Variants in MYO1D observed in about 807,000 individuals in gnomAD.
The protein encoded by MYO1D is unconventional myosin-Id.
Under a neutral mutation model 122.0 loss-of-function variants are expected in MYO1D, and 83 were observed. That is an observed-to-expected ratio of 0.68 (90% CI 0.57 to 0.82). The LOEUF (loss-of-function observed/expected upper bound fraction) is 0.82. MYO1D is among the 40% of genes least tolerant of loss of function. The pLI is 0.00. For missense variants in MYO1D, 1,157 were observed against 1,269.5 expected, an observed-to-expected ratio of 0.91 and a Z score of 1.35; for synonymous variants, 464 against 446.9, an observed-to-expected ratio of 1.04 and a Z score of -0.48.
At chr17:32,544,056 G>T (rs931491161) in intron 21 of MYO1D, among the ~76,000 whole-genome samples, 1 of 151,442 alleles carries the variant, frequency 6.6e-6, no homozygotes, top group Non-Finnish European at 1.5e-5. Flanking sequence ...GCCTCCCAAA[G>T]TGCTGGGACT....
rs2089625148 is a variant in MYO1D at position 32,730,481 on chromosome 17, G to A, written c.1746+7772C>T. On this transcript the variant is annotated intron_variant, in intron 14 of 21. Coordinates refer to ENST00000318217, the MANE Select transcript of MYO1D (RefSeq NM_015194.3). ...TAGTATACTCTTCCTATTGTCTGAT[G>A]AATATCTTTTAGAATCTCCTTAAGT... Among the ~76,000 whole-genome samples, 6 of 152,184 alleles carry A rather than the reference G, an allele frequency of 3.9e-5. No homozygotes were observed. The South Asian group carries it at 1.2e-3, about 32-fold the overall frequency.
chr17:32,831,078 G>A (rs1312714319), intron 1 of MYO1D, among the ~76,000 whole-genome samples: 3 of 151,972 alleles, frequency 2.0e-5, no homozygotes, highest in Non-Finnish European at 4.4e-5. Context: ...ATACTGACAT[G>A]AGTGCAAAAA....
At chr17:32,804,354 T>C (rs2090489839) in intron 1 of MYO1D, among the ~76,000 whole-genome samples, 1 of 152,212 alleles carries the variant, frequency 6.6e-6, no homozygotes, top group Admixed American at 6.5e-5. Context: ...AGGGCTCTAA[T>C]AGTATGACTA....
chr17:32,655,015 G>A (rs2088455715), intron 17 of MYO1D, among the ~76,000 whole-genome samples: 1 of 152,170 alleles, frequency 6.6e-6, no homozygotes, highest in African/African-American at 2.4e-5. Flanking sequence ...CTGTCATTAA[G>A]TAGAATGAAA....
intron 1 of MYO1D, among the ~76,000 whole-genome samples, chr17:32,808,386 G>T (rs950489818): frequency 1.3e-5 from 2 of 148,470 alleles, no homozygotes; most frequent in Admixed American, 1.3e-4. Context: ...AAAAAAAAAA[G>T]TAAATTTGAA....
chr17:32,742,648 T>C (rs375535375), intron 13 of MYO1D, among the ~76,000 whole-genome samples: 179 of 152,344 alleles, frequency 1.2e-3, no homozygotes, highest in Non-Finnish European at 1.8e-3. Context: ...AAAATGAATG[T>C]ACCTTACCTG....
intron 20 of MYO1D, among the ~76,000 whole-genome samples, chr17:32,607,994 A>G (rs1242280146): frequency 1.3e-5 from 2 of 152,238 alleles, no homozygotes; most frequent in African/African-American, 4.8e-5. Flanking sequence ...TTCAGAGTGC[A>G]CTATAAGATC....
At chr17:32,832,489 G>A (rs897943234) in intron 1 of MYO1D, among the ~76,000 whole-genome samples, 3 of 151,886 alleles carry the variant, frequency 2.0e-5, no homozygotes, top group African/African-American at 4.8e-5. Context: ...TAGTAGACAC[G>A]GAGTTTCACC....
intron 21 of MYO1D, among the ~76,000 whole-genome samples, chr17:32,524,175 G>T (rs530664513): frequency 1.3e-5 from 2 of 152,082 alleles, no homozygotes; most frequent in Non-Finnish European, 2.9e-5. Flanking sequence ...GTTTTCTCTG[G>T]GGCTGAATGA....
At chr17:32,516,985 G>A (rs753150169) in intron 21 of MYO1D, among the ~76,000 whole-genome samples, 2 of 152,180 alleles carry the variant, frequency 1.3e-5, no homozygotes, top group South Asian at 2.1e-4. Context: ...ACAAATTAGC[G>A]TGGGTGCATA....
At chr17:32,868,492 CCAAA>C (rs1012819658) in intron 1 of MYO1D, among the ~76,000 whole-genome samples, 50 of 152,006 alleles carry the variant, frequency 3.3e-4, no homozygotes, top group Middle Eastern at 3.4e-3. Flanking sequence ...TCCTTGCCCC[CCAAA>C]CAAAATCAAA....
At chr17:32,771,518 G>A (rs960282994) in intron 5 of MYO1D, among the ~76,000 whole-genome samples, 4 of 152,140 alleles carry the variant, frequency 2.6e-5, no homozygotes, top group African/African-American at 9.7e-5. Context: ...TTGTAAAACA[G>A]GATCCTATGC....
intron 10 of MYO1D, among the ~76,000 whole-genome samples, chr17:32,759,077 G>A (rs57012090): frequency 0.049 from 7,435 of 152,134 alleles, 585 homozygotes; most frequent in African/African-American, 0.17. Flanking sequence ...GTTATACCGT[G>A]TATTATATTA....
chr17:32,669,719 A>C (rs2088683879), intron 16 of MYO1D, among the ~76,000 whole-genome samples: 1 of 152,196 alleles, frequency 6.6e-6, no homozygotes, highest in African/African-American at 2.4e-5. Context: ...AAATAAAAGA[A>C]TTATTCAAAT....
intron 14 of MYO1D, among the ~76,000 whole-genome samples, chr17:32,725,476 G>A (rs778758497): frequency 3.3e-5 from 5 of 151,574 alleles, no homozygotes; most frequent in African/African-American, 9.7e-5. Flanking sequence ...AGCTGAGATC[G>A]CGCCACTGCA....
chr17:32,516,591 C>T (rs563967658), intron 21 of MYO1D, among the ~76,000 whole-genome samples: 2 of 152,320 alleles, frequency 1.3e-5, no homozygotes, highest in East Asian at 1.9e-4. Context: ...CCCCCAGTCT[C>T]GTAGAAGATT....
At chr17:32,729,983 T>A (rs2089618168) in intron 14 of MYO1D, among the ~76,000 whole-genome samples, 1 of 152,204 alleles carries the variant, frequency 6.6e-6, no homozygotes, top group African/African-American at 2.4e-5. Context: ...TCTGAATTGG[T>A]TTTTATCCAT....
chr17:32,650,749 A>G (rs929460511), intron 19 of MYO1D, among the ~76,000 whole-genome samples: 16 of 152,200 alleles, frequency 1.1e-4, no homozygotes, highest in Non-Finnish European at 1.5e-4. Flanking sequence ...AGGTCATTAA[A>G]AAAATCTTCC....
At chr17:32,778,438 C>G (rs1312892534) in intron 3 of MYO1D, 42 bp downstream of exon 3, 8 of 1,573,572 alleles carry the variant, frequency 5.1e-6, no homozygotes, top group Admixed American at 3.3e-5. Context: ...ATAGAGAAAA[C>G]AGAGTGCTAA....
Sources: gnomAD v4.1 joint callset for allele counts (sites outside exome capture counted in the v4.1 genomes callset) on GRCh38, gnomAD v4.1.1 for gene constraint, MANE v1.5 for transcripts, NCBI Gene and HGNC (gene_info 2026-07-23, HGNC 2026-07-21) for gene names.